PCDH15: variants seen among roughly 807,000 people sequenced by gnomAD.
PCDH15 encodes protocadherin-15.
A neutral mutation model predicts 178.5 loss-of-function variants in PCDH15; 129 were observed. The observed-to-expected ratio is 0.72, with a 90% confidence interval of 0.63 to 0.84. The LOEUF is 0.84. PCDH15 is among the 40% of genes least tolerant of loss of function. PCDH15 has a pLI of 0.00. For missense variants in PCDH15, 2,230 were observed against 2,099.9 expected (o/e 1.06, Z -1.21); for synonymous variants, 800 against 732.0 (o/e 1.09, Z -1.50).
At chr10:54,771,804 A>G (rs1305561389) in intron 1 of PCDH15, among the ~76,000 whole-genome samples, 1 of 152,174 alleles carries the variant, frequency 6.6e-6, no homozygotes, top group Non-Finnish European at 1.5e-5. Context: ...TAAAATTTTC[A>G]AAAGACATCT....
chr10:54,695,314 T>G (rs537135011), intron 1 of PCDH15, among the ~76,000 whole-genome samples: 1 of 152,280 alleles, frequency 6.6e-6, no homozygotes, highest in African/African-American at 2.4e-5. Flanking sequence ...AACCAAAGCC[T>G]AATCCAGAAC....
At chr10:54,848,720 T>C (rs1953557418) in intron 3 of PCDH15, among the ~76,000 whole-genome samples, 2 of 152,204 alleles carry the variant, frequency 1.3e-5, no homozygotes, top group Admixed American at 1.3e-4. Context: ...TAATAAAATA[T>C]TTTTAGTGCT....
chr10:54,841,005 A>G (rs1018793788), intron 3 of PCDH15, among the ~76,000 whole-genome samples: 3 of 151,826 alleles, frequency 2.0e-5, no homozygotes, highest in African/African-American at 7.2e-5. Context: ...CAATTTCCAT[A>G]CTGGATAGAT....
At chr10:54,890,723 A>G (rs1049899067) in intron 3 of PCDH15, among the ~76,000 whole-genome samples, 7 of 152,032 alleles carry the variant, frequency 4.6e-5, no homozygotes, top group African/African-American at 1.4e-4. Flanking sequence ...AAAAATATTT[A>G]TTATTTTTCA....
chr10:55,191,592 A>G (rs1839945651), intron 1 of PCDH15, among the ~76,000 whole-genome samples: 1 of 151,910 alleles, frequency 6.6e-6, no homozygotes, highest in Non-Finnish European at 1.5e-5. Context: ...CTCTTTTAAC[A>G]TGGGAATTAT....
chr10:54,405,792 A>T (rs1386486989), intron 3 of PCDH15, among the ~76,000 whole-genome samples: 2 of 152,004 alleles, frequency 1.3e-5, no homozygotes, highest in African/African-American at 4.8e-5. Flanking sequence ...AATATATACA[A>T]AATGTAATAA....
intron 3 of PCDH15, among the ~76,000 whole-genome samples, chr10:54,887,473 T>G (rs559652622): frequency 5.1e-4 from 77 of 152,270 alleles, no homozygotes; most frequent in African/African-American, 1.8e-3. Flanking sequence ...CATGTTCAAA[T>G]TCATTATAAT....
chr10:54,233,689 T>A (rs2134343868), intron 9 of PCDH15, among the ~76,000 whole-genome samples: 1 of 152,322 alleles, frequency 6.6e-6, no homozygotes, highest in African/African-American at 2.4e-5. Context: ...TTACTGCATT[T>A]GCAGAGTTTC....
At chr10:53,945,837 GTATATATATATATATATATATATATATA>G (rs56389905) in intron 23 of PCDH15, among the ~76,000 whole-genome samples, 6 of 119,446 alleles carry the variant, frequency 5.0e-5, no homozygotes, top group Non-Finnish European at 5.2e-5. Context: ...ATATTTCATT[GTATATATATATATATATATATATATATA>G]TATATATATA....
At chr10:55,033,402 C>A (rs1362904173) in intron 2 of PCDH15, among the ~76,000 whole-genome samples, 1 of 152,158 alleles carries the variant, frequency 6.6e-6, no homozygotes, top group African/African-American at 2.4e-5. Context: ...CCCAACCTTA[C>A]CCCAGTGTGT....
chr10:54,278,748 T>C (rs950258583), intron 8 of PCDH15, among the ~76,000 whole-genome samples: 1 of 151,572 alleles, frequency 6.6e-6, no homozygotes, highest in Non-Finnish European at 1.5e-5. Flanking sequence ...ATGAGGAGCC[T>C]GTGGAGAATG....
chr10:54,733,645 A>C (rs1943696449), intron 1 of PCDH15, among the ~76,000 whole-genome samples: 1 of 151,624 alleles, frequency 6.6e-6, no homozygotes, highest in African/African-American at 2.4e-5. Flanking sequence ...TAATATCCAA[A>C]ACATTTTGAA....
At chr10:54,108,511 C>G (rs2094957091) in intron 15 of PCDH15, among the ~76,000 whole-genome samples, 1 of 152,174 alleles carries the variant, frequency 6.6e-6, no homozygotes, top group Admixed American at 6.5e-5. Flanking sequence ...GCCTTCCCAC[C>G]ACAGGCTAAA....
intron 15 of PCDH15, among the ~76,000 whole-genome samples, chr10:54,097,937 C>G (rs2384375): frequency 0.58 from 88,411 of 151,922 alleles, 26,515 homozygotes; most frequent in Middle Eastern, 0.69. Flanking sequence ...TCAGTCAGAG[C>G]TCTGTTCTGT....
chr10:54,421,662 G>GTATA lies in PCDH15; in HGVS notation c.158-42724_158-42721dup, dbSNP rs1335026971. ...ACATTTATATATGTACATGTGTAGT[G>GTATA]TATATATACATATATATATATATAT... is the stretch of plus-strand genomic sequence containing the variant. On this transcript the variant is annotated intron_variant, in intron 3 of 37. Transcript: ENST00000644397. 4.5e-4 allele frequency among the ~76,000 whole-genome samples: 32 copies of GTATA among 70,954 alleles called. 1 individual carries two copies. Among genetic ancestry groups the GTATA allele is most frequent in the African/African-American group, 2.1e-3 (32 of 15,462 alleles). 46.5% of individuals were successfully genotyped at this position (70,954 alleles called of 152,430 possible).
At chr10:55,482,727 T>C (rs1427297418) in intron 2 of PCDH15, among the ~76,000 whole-genome samples, 2 of 151,822 alleles carry the variant, frequency 1.3e-5, no homozygotes, top group African/African-American at 2.4e-5. Flanking sequence ...TAACCTGGTC[T>C]TTCTCTCTAG....
At chr10:55,603,155 G>A (rs1843126892) in intron 2 of PCDH15, among the ~76,000 whole-genome samples, 1 of 152,050 alleles carries the variant, frequency 6.6e-6, no homozygotes, top group Admixed American at 6.6e-5. Context: ...AAGATGAAAT[G>A]AATGAAATGA....
At chr10:55,409,829 T>A (rs187635572) in intron 2 of PCDH15, among the ~76,000 whole-genome samples, 1 of 152,138 alleles carries the variant, frequency 6.6e-6, no homozygotes, top group East Asian at 1.9e-4. Flanking sequence ...AGAATGAACA[T>A]GGGGACTGGA....
intron 26 of PCDH15, among the ~76,000 whole-genome samples, chr10:53,887,046 T>G (rs957524220): frequency 1.3e-5 from 2 of 152,186 alleles, no homozygotes; most frequent in Admixed American, 6.5e-5. Context: ...CAGGTCCAAA[T>G]GATACTATAC....
Sources: gnomAD v4.1 joint callset for allele counts (sites outside exome capture counted in the v4.1 genomes callset) on GRCh38, gnomAD v4.1.1 for gene constraint, MANE v1.5 for transcripts, NCBI Gene and HGNC (gene_info 2026-07-23, HGNC 2026-07-21) for gene names.